PXDC1: variants seen among roughly 807,000 people sequenced by gnomAD.
PXDC1 encodes the protein PX domain containing 1.
A neutral mutation model predicts 24.4 loss-of-function variants in PXDC1; 13 were observed. The ratio of observed to expected loss-of-function variants is 0.53; its 90% confidence interval spans 0.35 to 0.85. PXDC1 has a LOEUF of 0.85. Among genes scored for constraint, PXDC1 ranks in the 40% least tolerant of loss-of-function variants. The pLI is 0.01. For missense variants in PXDC1, 344 were observed against 309.3 expected, an observed-to-expected ratio of 1.11 and a Z score of -0.84; for synonymous variants, 162 against 124.9, an observed-to-expected ratio of 1.30 and a Z score of -1.98.
intron 1 of PXDC1, chr6:3,739,040 G>C: frequency 3.3e-6 from 4 of 1,211,334 alleles, no homozygotes; most frequent in Non-Finnish European, 3.2e-6. Flanking sequence ...TGATTACTGC[G>C]ATTACTTTTG....
intron 1 of PXDC1, among the ~76,000 whole-genome samples, chr6:3,747,102 C>A (rs1234672710): frequency 2.0e-5 from 3 of 152,186 alleles, no homozygotes; most frequent in South Asian, 2.1e-4. Context: ...CGCTAAAATG[C>A]CGCCTCCCAA....
Position 3,723,444 on chromosome 6 carries a change from T to C in PXDC1, c.*175A>G. On this transcript the variant is annotated 3_prime_UTR_variant, in exon 5 of 5. Coordinates refer to ENST00000380283, the MANE Select transcript of PXDC1 (RefSeq NM_183373.4). ...AGACTCTGCGGTCAGCCTGGCCCAC[T>C]AGGAGCCCCTGCTGCTCCACTTGCA... 1 of 644,878 alleles carries C rather than the reference T, an allele frequency of 1.6e-6. No homozygotes were observed. The highest frequency in any genetic ancestry group is 1.9e-5 in the South Asian group (1 of 53,536). 39.9% of individuals were successfully genotyped at this position (644,878 alleles called of 1,614,324 possible).
chr6:3,729,040 A>G (rs1171209586), intron 3 of PXDC1, among the ~76,000 whole-genome samples: 1 of 152,142 alleles, frequency 6.6e-6, no homozygotes, highest in Non-Finnish European at 1.5e-5. Flanking sequence ...CCCATTCAGG[A>G]CACAGCTCCT....
intron 3 of PXDC1, among the ~76,000 whole-genome samples, chr6:3,736,686 G>A (rs548301477): frequency 5.9e-5 from 9 of 152,288 alleles, no homozygotes; most frequent in South Asian, 4.1e-4. Context: ...AAGCCTGTGC[G>A]TCCCTTTGGT....
In PXDC1 at chr6:3,740,756, G is replaced by A. The variant is rs1250967595; in HGVS notation, c.257-2608C>T. On this transcript the variant is annotated intron_variant, in intron 1 of 4. Coordinates refer to ENST00000380283, the MANE Select transcript of PXDC1 (RefSeq NM_183373.4). ...ACCTCCAGGCTCATGATGGGGCAAA[G>A]CCCACTTAGGCAAAAGCCACCTGCT... Among the ~76,000 whole-genome samples, 3 of 152,232 alleles carry A rather than the reference G, an allele frequency of 2.0e-5. No individual in the cohort carries two copies. The East Asian group carries it at 5.8e-4, about 29-fold the overall frequency.
At chr6:3,731,602 A>G (rs548538569) in intron 3 of PXDC1, among the ~76,000 whole-genome samples, 6 of 152,194 alleles carry the variant, frequency 3.9e-5, no homozygotes, top group Non-Finnish European at 7.4e-5. Context: ...GACCTCCTTC[A>G]CTTGAATTTC....
At position 3,728,027 on chromosome 6, in the gene PXDC1, T is replaced by G. The variant is rs989214300; in HGVS notation, c.467-365A>C. 1.3e-5 allele frequency among the ~76,000 whole-genome samples: 2 copies of G among 152,180 alleles called. No individual in the cohort carries two copies. Among genetic ancestry groups the G allele is most frequent in the Non-Finnish European group, 2.9e-5 (2 of 68,032 alleles). On this transcript the variant is annotated intron_variant, in intron 3 of 4. Transcript: ENST00000380283. The surrounding 1 kb of genome is among the most constrained non-coding windows in gnomAD (Gnocchi z 4.0). ...AGAGCAGAGCTATGGCACAGTGACA[T>G]GTGGCTCTGCCCAGGGTACCTCTCC...
At position 3,737,693 on chromosome 6, in the gene PXDC1, G is replaced by A. The variant is rs115037037; in HGVS notation, c.348+364C>T. 6,158 of 985,334 alleles carry A rather than the reference G, an allele frequency of 6.2e-3. 28 individuals are homozygous for A. The highest frequency in any genetic ancestry group is 6.9e-3 in the Non-Finnish European group (5,753 of 829,854). 61.0% of individuals were successfully genotyped at this position (985,334 alleles called of 1,614,324 possible). A position where few individuals can be genotyped will look rare whatever the true frequency, so the allele number is the denominator to read the frequency against. On this transcript the variant is annotated intron_variant, in intron 2 of 4. Transcript: ENST00000380283. This position sits in a 1 kb window ranked among gnomAD's most constrained non-coding sequence, Gnocchi z 5.5. Reference sequence around the variant, plus strand: ...CGCCAACGTTCTTCTTGGTTTCCACGTGTCTGTTCTAAAATCCCCTCAGCA... The same window carrying A: ...CGCCAACGTTCTTCTTGGTTTCCACATGTCTGTTCTAAAATCCCCTCAGCA...
intron 1 of PXDC1, among the ~76,000 whole-genome samples, chr6:3,750,777 C>T (rs1433380875): frequency 1.3e-5 from 2 of 152,124 alleles, no homozygotes; most frequent in Admixed American, 6.5e-5. Flanking sequence ...ACCTCGCGCT[C>T]GAAGACCAGG....
chr6:3,750,387 C>CG (rs1248423739), intron 1 of PXDC1, among the ~76,000 whole-genome samples: 1 of 152,174 alleles, frequency 6.6e-6, no homozygotes, highest in Non-Finnish European at 1.5e-5. Flanking sequence ...GGGACCTGCT[C>CG]GGAAGTCCTC....
intron 1 of PXDC1, among the ~76,000 whole-genome samples, chr6:3,744,974 A>G (rs542842905): frequency 6.6e-6 from 1 of 152,356 alleles, no homozygotes; most frequent in South Asian, 2.1e-4. Flanking sequence ...TGCTGGGCTT[A>G]CAGGCGTGAG....
intron 1 of PXDC1, among the ~76,000 whole-genome samples, chr6:3,743,192 A>G (rs1460600595): frequency 1.4e-5 from 2 of 141,868 alleles, no homozygotes; most frequent in Non-Finnish European, 3.0e-5. Context: ...TGCTGCTGCA[A>G]TTCTGAAACT....
In PXDC1 at chr6:3,738,039, G is replaced by A; in HGVS notation, c.348+18C>T. 1.2e-6 allele frequency: 2 copies of A among 1,604,814 alleles called. No individual in the cohort carries two copies. The highest frequency in any genetic ancestry group is 8.5e-7 in the Non-Finnish European group (1 of 1,171,684). On this transcript the variant is annotated intron_variant, in intron 2 of 4. Coordinates refer to ENST00000380283, the MANE Select transcript of PXDC1 (RefSeq NM_183373.4). ...ACCTCCCACCTCCCTGCCCAGCCCG[G>A]GGCCTGGCCACACTCACTTTACAGG...
In PXDC1 at chr6:3,725,531, G is replaced by A. The variant is rs1350587505; in HGVS notation, c.579-1795C>T. Among the ~76,000 whole-genome samples the A allele has an allele frequency of 6.6e-6, 1 of 152,220 alleles. No homozygotes were observed. The highest frequency in any genetic ancestry group is 2.4e-5 in the African/African-American group (1 of 41,462). ...CCCACTTGCCCCTGGGGCCAGACTC[G>A]GGGCAGCCTGCTGAGACTCTGCTGT... On this transcript the variant is annotated intron_variant, in intron 4 of 4. Coordinates refer to ENST00000380283, the MANE Select transcript of PXDC1 (RefSeq NM_183373.4). This position sits in a 1 kb window ranked among gnomAD's most constrained non-coding sequence, Gnocchi z 4.8.
At chr6:3,729,985 A>C (rs949169071) in intron 3 of PXDC1, among the ~76,000 whole-genome samples, 9 of 152,222 alleles carry the variant, frequency 5.9e-5, no homozygotes, top group Non-Finnish European at 5.9e-5. Context: ...CCAGTCCCCC[A>C]AAAAATAGAT....
At chr6:3,730,878 T>C (rs1211649175) in intron 3 of PXDC1, among the ~76,000 whole-genome samples, 1 of 152,240 alleles carries the variant, frequency 6.6e-6, no homozygotes, top group Admixed American at 6.5e-5. Context: ...TAGGAAAGCA[T>C]GCAGACTGCA....
chr6:3,723,800 CG>C (rs2127597264), intron 4 of PXDC1, 64 bp from the exon 5 acceptor site: 2 of 1,299,570 alleles, frequency 1.5e-6, no homozygotes, highest in East Asian at 4.6e-5. Flanking sequence ...AAACACCCGC[CG>C]GGACCATGAG....
chr6:3,742,303 T>C (rs1760465509), intron 1 of PXDC1, among the ~76,000 whole-genome samples: 1 of 152,244 alleles, frequency 6.6e-6, no homozygotes, highest in African/African-American at 2.4e-5. Context: ...GTCACCTGTT[T>C]ACCATAAGCA....
chr6:3,731,663 ATCTC>A (rs1335786417), intron 3 of PXDC1, among the ~76,000 whole-genome samples: 4 of 152,138 alleles, frequency 2.6e-5, no homozygotes, highest in Non-Finnish European at 4.4e-5. Flanking sequence ...CCAATCCAGG[ATCTC>A]TTGCTGCAAT....
Sources: gnomAD v4.1 joint callset for allele counts (sites outside exome capture counted in the v4.1 genomes callset) on GRCh38, gnomAD v4.1.1 for gene constraint, Gnocchi (gnomAD v3.1) non-coding constraint, MANE v1.5 for transcripts, NCBI Gene and HGNC (gene_info 2026-07-23, HGNC 2026-07-21) for gene names.